The following GALNT13 variants were observed in gnomAD, a reference collection of about 807,000 sequenced individuals.
GALNT13 encodes polypeptide N-acetylgalactosaminyltransferase 13.
Under a neutral mutation model 64.2 loss-of-function variants are expected in GALNT13, and 28 were observed. The ratio of observed to expected loss-of-function variants is 0.44; its 90% CI spans 0.32 to 0.60. The LOEUF is 0.60. Ranked by LOEUF, GALNT13 falls within the 20% of genes least tolerant of loss-of-function variation. The pLI, the probability that GALNT13 is intolerant of heterozygous loss-of-function variation, is 0.05. For synonymous variants in GALNT13, 214 were observed against 224.6 expected (o/e 0.95, Z 0.42); for missense variants, 577 against 669.8 (o/e 0.86, Z 1.53).
chr2:153,630,331 A>T, the GALNT13 span, among the ~76,000 whole-genome samples: 1 of 152,020 alleles, frequency 6.6e-6, no homozygotes, highest in East Asian at 1.9e-4. Flanking sequence ...AAAAATGATG[A>T]GTTCATGTCG....
At chr2:153,256,375 T>G in the GALNT13 span, among the ~76,000 whole-genome samples, 7 of 152,320 alleles carry the variant, frequency 4.6e-5, no homozygotes, top group African/African-American at 7.2e-5. Context: ...CGTCTAAATT[T>G]TTTTCAAAGT....
At chr2:154,198,645 GC>G (rs1214144056) in intron 4 of GALNT13, among the ~76,000 whole-genome samples, 1 of 151,764 alleles carries the variant, frequency 6.6e-6, no homozygotes. Flanking sequence ...GGTACTTGCA[GC>G]ATATAACCTT....
chr2:154,298,471 T>TATATATAATTTATATATAC (rs1693074743), intron 8 of GALNT13, among the ~76,000 whole-genome samples: 6 of 114,240 alleles, frequency 5.3e-5, no homozygotes, highest in Non-Finnish European at 8.9e-5. Flanking sequence ...ATATATAAAT[T>TATATATAATTTATATATAC]ATATATAAAT....
the GALNT13 span, among the ~76,000 whole-genome samples, chr2:153,468,231 TTC>T: frequency 1.3e-5 from 2 of 152,102 alleles, no homozygotes; most frequent in Non-Finnish European, 2.9e-5. Flanking sequence ...CTGTTACATT[TTC>T]TTTCTTTCTC....
chr2:154,436,867 T>C (rs1700999930), intron 11 of GALNT13: 1 of 152,130 alleles, frequency 6.6e-6, no homozygotes. Flanking sequence ...ATTGAGAAAA[T>C]GTATAACCTT....
intron 8 of GALNT13, among the ~76,000 whole-genome samples, chr2:154,290,338 A>C (rs1229018525): frequency 1.3e-5 from 2 of 152,210 alleles, no homozygotes; most frequent in African/African-American, 4.8e-5. Context: ...GCAGAAATTT[A>C]TCTCAAAAGC....
the GALNT13 span, among the ~76,000 whole-genome samples, chr2:153,704,006 T>C: frequency 0.035 from 5,377 of 152,238 alleles, 134 homozygotes; most frequent in Middle Eastern, 0.065. Flanking sequence ...GAATACTCTA[T>C]ATTTCCAGTT....
At chr2:153,197,310 A>C in the GALNT13 span, among the ~76,000 whole-genome samples, 1 of 152,222 alleles carries the variant, frequency 6.6e-6, no homozygotes, top group Non-Finnish European at 1.5e-5. Context: ...CTTGGGCACT[A>C]GCACGGGTGG....
intron 3 of GALNT13, among the ~76,000 whole-genome samples, chr2:154,074,005 G>A (rs747640774): frequency 2.0e-5 from 3 of 151,704 alleles, no homozygotes; most frequent in Non-Finnish European, 2.9e-5. Flanking sequence ...AAAAGTATTT[G>A]ATATTTAAAT....
chr2:154,420,170 A>C (rs537816371), intron 11 of GALNT13, among the ~76,000 whole-genome samples: 1 of 152,188 alleles, frequency 6.6e-6, no homozygotes, highest in Non-Finnish European at 1.5e-5. Flanking sequence ...GGCGTACCTC[A>C]ACCATCAGGA....
the GALNT13 span, among the ~76,000 whole-genome samples, chr2:153,375,067 A>C: frequency 1.3e-5 from 2 of 152,180 alleles, no homozygotes; most frequent in Non-Finnish European, 2.9e-5. Flanking sequence ...ATCATTATTT[A>C]CTAGCTTCTG....
At chr2:154,398,249 A>C (rs779424906) in intron 10 of GALNT13, among the ~76,000 whole-genome samples, 6 of 152,144 alleles carry the variant, frequency 3.9e-5, no homozygotes, top group Non-Finnish European at 8.8e-5. Context: ...TCCCTTTTCT[A>C]AAAGGAGGAA....
chr2:154,362,289 G>A (rs910560260), intron 9 of GALNT13, among the ~76,000 whole-genome samples: 1 of 124,540 alleles, frequency 8.0e-6, no homozygotes, highest in East Asian at 2.4e-4. Flanking sequence ...CTAGTTTCTC[G>A]CTTCTTGAGT....
chr2:153,949,999 A>G (rs552357291), intron 3 of GALNT13, among the ~76,000 whole-genome samples: 22 of 152,194 alleles, frequency 1.4e-4, no homozygotes, highest in African/African-American at 5.1e-4. Context: ...AAACTTTAGC[A>G]GAAAAATATT....
Position 154,407,127 on chromosome 2 carries a change from A to G in GALNT13, c.1297-1857A>G, listed in dbSNP as rs192128781. 3.0e-3 allele frequency among the ~76,000 whole-genome samples: 458 copies of G among 152,284 alleles called. 5 individuals are homozygous for G. The highest frequency in any genetic ancestry group is 1.8e-3 in the Non-Finnish European group (125 of 68,020). On this transcript the variant is annotated intron_variant, in intron 10 of 12. Transcript: ENST00000392825. ...CTTTCCAGCAGAGAGAGAAAGCCTT[A>G]CAAACAATTCAAGCTGTAACCCCTG...
At chr2:154,322,304 C>T (rs1206044666) in intron 9 of GALNT13, among the ~76,000 whole-genome samples, 1 of 151,702 alleles carries the variant, frequency 6.6e-6, no homozygotes, top group Non-Finnish European at 1.5e-5. Context: ...TTCTCCAATC[C>T]TTTTGAAATA....
At chr2:153,906,202 T>A (rs184863303) in intron 2 of GALNT13, among the ~76,000 whole-genome samples, 86 of 151,964 alleles carry the variant, frequency 5.7e-4, no homozygotes, top group African/African-American at 2.0e-3. Context: ...TGTTTTTTTT[T>A]AATGTTGAGT....
At chr2:153,801,092 G>A in the GALNT13 span, among the ~76,000 whole-genome samples, 17 of 152,136 alleles carry the variant, frequency 1.1e-4, no homozygotes, top group Non-Finnish European at 1.6e-4. Flanking sequence ...ATTAAAGAGA[G>A]TTAGGGCTGT....
chr2:153,966,014 G>A (rs1463347237), intron 3 of GALNT13, among the ~76,000 whole-genome samples: 1 of 151,816 alleles, frequency 6.6e-6, no homozygotes, highest in African/African-American at 2.4e-5. Flanking sequence ...ATTTTTTTGT[G>A]AACTTACTTT....
Sources: allele counts gnomAD v4.1 joint callset (sites outside exome capture counted in the v4.1 genomes callset), GRCh38; gene constraint gnomAD v4.1.1; transcripts MANE v1.5; gene names NCBI Gene and HGNC (gene_info 2026-07-23, HGNC 2026-07-21).